The following ZRANB3 variants were observed in gnomAD, a reference collection of about 807,000 sequenced individuals.
The protein encoded by ZRANB3 is zinc finger RANBP2-type containing 3.
ZRANB3 carries 125 observed loss-of-function variants against 133.8 expected under a neutral mutation model. The observed-to-expected ratio is 0.93, with a 90% CI of 0.81 to 1.08. The LOEUF is 1.08. ZRANB3 is among the 50% of genes least tolerant of loss of function. The pLI is 0.00. For synonymous variants in ZRANB3, 387 were observed against 432.7 expected (o/e 0.89, Z 1.31); for missense variants, 1,229 against 1,275.5 (o/e 0.96, Z 0.56).
chr2:135,329,553 G>T (rs1347253754), intron 6 of ZRANB3, among the ~76,000 whole-genome samples: 1 of 152,098 alleles, frequency 6.6e-6, no homozygotes, highest in Non-Finnish European at 1.5e-5. Context: ...CTCTTTTTTG[G>T]TTCCATATGA....
In ZRANB3 at chr2:135,526,134, T is replaced by C. The variant is rs377684328; in HGVS notation, c.-8+4993A>G. Among the ~76,000 whole-genome samples, 16 of 151,942 alleles carry C rather than the reference T, an allele frequency of 1.1e-4. No homozygotes were observed. In the East Asian group the frequency reaches 2.9e-3, roughly 28 times the overall value. On this transcript the variant is annotated intron_variant, in intron 1 of 20. Coordinates refer to ENST00000264159, the MANE Select transcript of ZRANB3 (RefSeq NM_032143.4). The stretch of plus-strand genomic sequence containing the variant: ...TAGCTATTGCACAAGGTACATTTAA[T>C]TGTACTTGAGGACTAAGCTATGATT...
intron 11 of ZRANB3, 32 bp downstream of exon 11, chr2:135,268,930 A>G (rs773476224): frequency 1.3e-6 from 2 of 1,572,872 alleles, no homozygotes; most frequent in East Asian, 4.6e-5. Flanking sequence ...ATAGTAAGTA[A>G]GCTGCTAACT....
chr2:135,326,761 G>A (rs764013819), intron 6 of ZRANB3, among the ~76,000 whole-genome samples: 4 of 151,836 alleles, frequency 2.6e-5, no homozygotes, highest in Non-Finnish European at 5.9e-5. Flanking sequence ...TTAGCCAGGC[G>A]TGGTGGTGCA....
intron 1 of ZRANB3, among the ~76,000 whole-genome samples, chr2:135,520,132 C>CCAG (rs1290000579): frequency 3.3e-5 from 5 of 150,760 alleles, no homozygotes; most frequent in African/African-American, 1.2e-4. Flanking sequence ...GCCTGTAATC[C>CCAG]CAGCACTTTG....
chr2:135,335,738 T>C (rs1393765292), intron 6 of ZRANB3, among the ~76,000 whole-genome samples: 2 of 151,460 alleles, frequency 1.3e-5, no homozygotes, highest in African/African-American at 4.9e-5. Context: ...AACAAAAACA[T>C]AATATTAGGG....
rs112524024 is a variant in ZRANB3, at chr2:135,231,144, C to T, written c.1540-217G>A. The stretch of plus-strand genomic sequence containing the variant: ...TACTTCCTGTGTCTAACTTTTTTCT[C>T]AGCACTTATTGTGTGCCAAGCATTT... On this transcript the variant is annotated intron_variant, in intron 12 of 20. Transcript: ENST00000264159. 3.0e-3 allele frequency among the ~76,000 whole-genome samples: 451 copies of T among 152,108 alleles called. 3 individuals are homozygous for T. The highest frequency in any genetic ancestry group is 0.01 in the African/African-American group (420 of 41,496).
At chr2:135,260,211 CA>C (rs1003628428) in intron 12 of ZRANB3, among the ~76,000 whole-genome samples, 1 of 152,142 alleles carries the variant, frequency 6.6e-6, no homozygotes, top group Non-Finnish European at 1.5e-5. Context: ...GTAGAGAAAT[CA>C]AAACACCTCA....
chr2:135,460,484 A>T (rs1211726574), intron 2 of ZRANB3, among the ~76,000 whole-genome samples: 1 of 152,096 alleles, frequency 6.6e-6, no homozygotes, highest in African/African-American at 2.4e-5. Flanking sequence ...ACAGGCTGGT[A>T]TCGAACTCTT....
At chr2:135,337,625 C>G (rs1684424101) in intron 6 of ZRANB3, among the ~76,000 whole-genome samples, 1 of 152,116 alleles carries the variant, frequency 6.6e-6, no homozygotes, top group African/African-American at 2.4e-5. Context: ...TTTGGTCAAA[C>G]TAGCATCTAA....
rs561034314 is a variant in ZRANB3 at position 135,472,304 on chromosome 2, T to C, written c.161+32025A>G. Among the ~76,000 whole-genome samples the C allele has an allele frequency of 7.2e-5, 11 of 152,064 alleles. No individual in the cohort carries two copies. In the East Asian group the frequency reaches 1.9e-3, roughly 27 times the overall value. On this transcript the variant is annotated intron_variant, in intron 2 of 20. Transcript: ENST00000264159. ...TCACAAGGTCAGGAGATCGAGACCA[T>C]CCTGGCTAACACGGTGAAACCCTGT...
At chr2:135,256,907 T>G (rs1679684941) in intron 12 of ZRANB3, among the ~76,000 whole-genome samples, 1 of 152,214 alleles carries the variant, frequency 6.6e-6, no homozygotes, top group Non-Finnish European at 1.5e-5. Flanking sequence ...AAGAGACCTC[T>G]GGTCATCCTC....
At chr2:135,297,396 C>T (rs1327595190) in intron 8 of ZRANB3, among the ~76,000 whole-genome samples, 2 of 152,196 alleles carry the variant, frequency 1.3e-5, no homozygotes, top group Admixed American at 6.5e-5. Context: ...ATATAATCTC[C>T]TAGTGTGCCG....
intron 3 of ZRANB3, among the ~76,000 whole-genome samples, chr2:135,357,878 C>A (rs368752190): frequency 8.5e-5 from 13 of 152,142 alleles, no homozygotes; most frequent in Admixed American, 5.2e-4. Flanking sequence ...GTAGTAGTAT[C>A]TTCTCCCAAG....
chr2:135,433,919 C>A, intron 2 of ZRANB3, among the ~76,000 whole-genome samples: 1 of 152,188 alleles, frequency 6.6e-6, no homozygotes, highest in East Asian at 1.9e-4. Context: ...ATTGCTTGAA[C>A]CTGGGAGGCG....
At position 135,388,804 on chromosome 2, in the gene ZRANB3, C is replaced by T. The variant is rs113503760; in HGVS notation, c.180+1998G>A. 8.5e-4 allele frequency among the ~76,000 whole-genome samples: 129 copies of T among 152,242 alleles called. 1 individual carries two copies. The highest frequency in any genetic ancestry group is 2.9e-3 in the African/African-American group (120 of 41,550). ...AGCTCATCCTGTTTTAGGCCGGGCA[C>T]GATGGTTCACACCTGTAATCCCAGC... is the stretch of plus-strand genomic sequence containing the variant. On this transcript the variant is annotated intron_variant, in intron 3 of 20. Transcript: ENST00000264159.
chr2:135,444,990 G>A (rs534472779), intron 2 of ZRANB3, among the ~76,000 whole-genome samples: 1 of 152,164 alleles, frequency 6.6e-6, no homozygotes, highest in African/African-American at 2.4e-5. Context: ...TGGTGTTATG[G>A]TTAGCATGAA....
intron 6 of ZRANB3, among the ~76,000 whole-genome samples, chr2:135,316,983 A>AAATATATAT: frequency 7.6e-6 from 1 of 131,486 alleles, no homozygotes; most frequent in South Asian, 2.3e-4. Context: ...AAAAAAAAAA[A>AAATATATAT]ATATATATAT....
chr2:135,288,026 A>G (rs1261783265), intron 8 of ZRANB3, among the ~76,000 whole-genome samples: 1 of 152,054 alleles, frequency 6.6e-6, no homozygotes, highest in Non-Finnish European at 1.5e-5. Context: ...TCAGGGGGGA[A>G]TGCTTTCAAC....
At chr2:135,222,093 A>G (rs897388362) in intron 15 of ZRANB3, among the ~76,000 whole-genome samples, 1 of 152,140 alleles carries the variant, frequency 6.6e-6, no homozygotes, top group Admixed American at 6.6e-5. Flanking sequence ...TATCTTATAT[A>G]CTTATAAAGA....
Sources: allele counts gnomAD v4.1 joint callset (sites outside exome capture counted in the v4.1 genomes callset), GRCh38; gene constraint gnomAD v4.1.1; transcripts MANE v1.5; gene names NCBI Gene and HGNC (gene_info 2026-07-23, HGNC 2026-07-21).